Variants in CAMK1D observed in about 807,000 individuals in gnomAD.
CAMK1D encodes the protein calcium/calmodulin-dependent protein kinase type 1D.
Under a neutral mutation model 47.7 loss-of-function variants are expected in CAMK1D, and 9 were observed. The ratio of observed to expected loss-of-function variants is 0.19; its 90% confidence interval spans 0.11 to 0.33. The LOEUF is 0.33. CAMK1D is among the 10% of genes least tolerant of loss of function. The probability of loss-of-function intolerance (pLI) is 1.00; values close to 1 mark genes in which losing one functional copy is unlikely to be tolerated. For missense variants in CAMK1D, 291 were observed against 488.7 expected, an observed-to-expected ratio of 0.60 and a Z score of 3.81; for synonymous variants, 184 against 184.9, an observed-to-expected ratio of 0.99 and a Z score of 0.04.
At chr10:12,407,657 T>C (rs996762844) in intron 1 of CAMK1D, among the ~76,000 whole-genome samples, 9 of 152,158 alleles carry the variant, frequency 5.9e-5, no homozygotes, top group African/African-American at 2.2e-4. Flanking sequence ...AGCTGGTTGA[T>C]TGAATATGAA....
chr10:12,434,830 G>C (rs962129397), intron 1 of CAMK1D, among the ~76,000 whole-genome samples: 13 of 152,174 alleles, frequency 8.5e-5, no homozygotes, highest in African/African-American at 3.1e-4. Context: ...GAAGGATGTG[G>C]GAATCATCCG....
chr10:12,695,241 C>T (rs1345214492), intron 3 of CAMK1D, among the ~76,000 whole-genome samples: 2 of 152,114 alleles, frequency 1.3e-5, no homozygotes, highest in African/African-American at 2.4e-5. Context: ...GAAGGACAGA[C>T]GGAGAATGAC....
chr10:12,770,196 C>G (rs1340183747), intron 5 of CAMK1D, among the ~76,000 whole-genome samples: 7 of 152,222 alleles, frequency 4.6e-5, no homozygotes, highest in Non-Finnish European at 1.0e-4. Flanking sequence ...ATTCCAATTA[C>G]TGAGATAGGA....
chr10:12,827,018 G>A (rs774120533), intron 10 of CAMK1D, among the ~76,000 whole-genome samples: 3 of 152,236 alleles, frequency 2.0e-5, no homozygotes, highest in Non-Finnish European at 4.4e-5. Flanking sequence ...CACATCCTCT[G>A]GGGGAGGGCT....
intron 2 of CAMK1D, among the ~76,000 whole-genome samples, chr10:12,658,377 G>A (rs536432015): frequency 2.0e-5 from 3 of 152,006 alleles, no homozygotes; most frequent in South Asian, 2.1e-4. Flanking sequence ...TTGGTGTGGG[G>A]CAGGGTGGAA....
chr10:12,665,293 C>A (rs971796460), intron 2 of CAMK1D, among the ~76,000 whole-genome samples: 3 of 152,208 alleles, frequency 2.0e-5, no homozygotes, highest in Admixed American at 6.5e-5. Flanking sequence ...TTATCTTGTT[C>A]TCTTTCATCT....
chr10:12,777,116 G>A lies in CAMK1D; in HGVS notation c.565+7317G>A, dbSNP rs77956417. Among the ~76,000 whole-genome samples, 555 of 152,220 alleles carry A rather than the reference G, an allele frequency of 3.6e-3. 7 individuals carry two copies. In the East Asian group the frequency reaches 0.054, roughly 15 times the overall value. ...TGGCTGCGTTTTAAAGCCGTGAACC[G>A]GGATAGGCAATGAAGGAGAGGAAAG... On this transcript the variant is annotated intron_variant, in intron 5 of 10. Coordinates refer to ENST00000619168, the MANE Select transcript of CAMK1D (RefSeq NM_153498.4).
At position 12,832,252 on chromosome 10, in the gene CAMK1D, G is replaced by A. The variant is rs1415659428; in HGVS notation, c.*3365G>A. On this transcript the variant is annotated 3_prime_UTR_variant, in exon 11 of 11. Coordinates refer to ENST00000619168, the MANE Select transcript of CAMK1D (RefSeq NM_153498.4). ...TTCTATTCATTGAGACAAACAGTGA[G>A]CGGGCACCAACAGGCCAGCAGCTTG... The A allele has an allele frequency of 3.3e-5, 5 of 152,328 alleles. No individual in the cohort carries two copies. The highest frequency in any genetic ancestry group is 1.2e-4 in the African/African-American group (5 of 41,468). The allele number at this position is 152,328 out of a possible 1,614,324, so 9.4% of individuals were successfully genotyped here.
intron 2 of CAMK1D, among the ~76,000 whole-genome samples, chr10:12,647,902 G>A (rs1171043833): frequency 6.6e-6 from 1 of 152,206 alleles, no homozygotes; most frequent in African/African-American, 2.4e-5. Flanking sequence ...CAGCACTGTT[G>A]ATGGGATGTC....
intron 1 of CAMK1D, among the ~76,000 whole-genome samples, chr10:12,536,237 A>G (rs1835966200): frequency 6.6e-6 from 1 of 152,064 alleles, no homozygotes; most frequent in Non-Finnish European, 1.5e-5. Flanking sequence ...GAGTTCTGAA[A>G]AAAAAAAAGT....
intron 1 of CAMK1D, among the ~76,000 whole-genome samples, chr10:12,529,659 C>T (rs1452805202): frequency 1.3e-5 from 2 of 152,142 alleles, no homozygotes; most frequent in Non-Finnish European, 2.9e-5. Flanking sequence ...CACACAGTGC[C>T]GGGTAGTCCC....
intron 3 of CAMK1D, among the ~76,000 whole-genome samples, chr10:12,672,646 C>T (rs956214253): frequency 7.9e-5 from 12 of 152,054 alleles, no homozygotes; most frequent in Non-Finnish European, 1.3e-4. Context: ...GCTGGGATTA[C>T]AGACGTGAGC....
At chr10:12,597,614 C>A (rs1239804940) in intron 2 of CAMK1D, among the ~76,000 whole-genome samples, 10 of 152,174 alleles carry the variant, frequency 6.6e-5, no homozygotes, top group Non-Finnish European at 1.5e-5. Context: ...CAGTTGTTCC[C>A]TCATTGAGGG....
chr10:12,483,138 C>T (rs1324718178), intron 1 of CAMK1D, among the ~76,000 whole-genome samples: 1 of 152,152 alleles, frequency 6.6e-6, no homozygotes, highest in African/African-American at 2.4e-5. Flanking sequence ...CTATATTCTA[C>T]CCTGTGGGAG....
chr10:12,460,180 A>G (rs985864416), intron 1 of CAMK1D, among the ~76,000 whole-genome samples: 1 of 152,228 alleles, frequency 6.6e-6, no homozygotes. Flanking sequence ...CTCCAGGAGT[A>G]GCAGACATCC....
intron 2 of CAMK1D, among the ~76,000 whole-genome samples, chr10:12,587,137 T>C (rs906298123): frequency 2.6e-5 from 4 of 152,224 alleles, no homozygotes; most frequent in Non-Finnish European, 5.9e-5. Context: ...CTGAGTCCCA[T>C]GCTCTGGTTT....
chr10:12,720,100 A>G (rs896841672), intron 3 of CAMK1D, among the ~76,000 whole-genome samples: 5 of 152,256 alleles, frequency 3.3e-5, no homozygotes, highest in Non-Finnish European at 1.5e-5. Flanking sequence ...AAGACCTTTA[A>G]GAACATGCTT....
intron 6 of CAMK1D, among the ~76,000 whole-genome samples, chr10:12,810,491 T>G (rs1832559147): frequency 6.6e-6 from 1 of 152,126 alleles, no homozygotes; most frequent in Non-Finnish European, 1.5e-5. Flanking sequence ...GCCAGGCTGG[T>G]CTCGAACTCC....
intron 1 of CAMK1D, among the ~76,000 whole-genome samples, chr10:12,528,315 GGGATAAATGTACAAATCA>G (rs1835692640): frequency 1.3e-5 from 2 of 152,216 alleles, no homozygotes; most frequent in Non-Finnish European, 2.9e-5. Flanking sequence ...AATTGCCATA[GGGATAAATGTACAAATCA>G]CTTTCAGAAT....
Sources: gnomAD v4.1 joint callset for allele counts (sites outside exome capture counted in the v4.1 genomes callset) on GRCh38, gnomAD v4.1.1 for gene constraint, MANE v1.5 for transcripts, NCBI Gene and HGNC (gene_info 2026-07-23, HGNC 2026-07-21) for gene names.